Variants in VPS35L observed in about 807,000 individuals in gnomAD.
The protein encoded by VPS35L is VPS35 endosomal protein sorting factor like, also known as VPS35 endosomal protein-sorting factor-like.
Under a neutral mutation model 133.0 loss-of-function variants are expected in VPS35L, and 83 were observed. The ratio of observed to expected loss-of-function variants is 0.62; its 90% CI spans 0.52 to 0.75. The LOEUF is 0.75. Ranked by LOEUF, VPS35L falls within the 30% of genes least tolerant of loss-of-function variation. The probability of loss-of-function intolerance (pLI) is 0.00; values close to 1 mark genes in which losing one functional copy is unlikely to be tolerated. For synonymous variants in VPS35L, 423 were observed against 449.9 expected (o/e 0.94, Z 0.76); for missense variants, 1,083 against 1,206.8 (o/e 0.90, Z 1.52).
At chr16:19,564,181 G>A (rs368225434) in intron 1 of VPS35L, among the ~76,000 whole-genome samples, 1 of 151,858 alleles carries the variant, frequency 6.6e-6, no homozygotes, top group Non-Finnish European at 1.5e-5. Flanking sequence ...TGGTTGAAGC[G>A]ATTCTCCTGC....
chr16:19,660,475 AATTAACTT>A (rs1157284161), intron 26 of VPS35L, among the ~76,000 whole-genome samples: 1 of 152,192 alleles, frequency 6.6e-6, no homozygotes, highest in Admixed American at 6.5e-5. Flanking sequence ...GAGTGAAATG[AATTAACTT>A]TGAGGTTTTG....
intron 28 of VPS35L, among the ~76,000 whole-genome samples, chr16:19,689,964 G>C (rs1270537515): frequency 1.3e-5 from 2 of 152,126 alleles, no homozygotes; most frequent in African/African-American, 4.8e-5. Context: ...TCATACTAGA[G>C]TGCAGTCATG....
chr16:19,680,067 T>C (rs912084217), intron 27 of VPS35L, among the ~76,000 whole-genome samples: 1 of 152,184 alleles, frequency 6.6e-6, no homozygotes, highest in African/African-American at 2.4e-5. Flanking sequence ...TACCAGTAGT[T>C]AGAAATGTCC....
intron 8 of VPS35L, among the ~76,000 whole-genome samples, chr16:19,594,644 CAAAAAAA>C (rs57187565): frequency 0.016 from 515 of 31,444 alleles, 5 homozygotes; most frequent in African/African-American, 0.05. Context: ...GATTTCGTCT[CAAAAAAA>C]AAAAAAAAAA....
intron 27 of VPS35L, among the ~76,000 whole-genome samples, chr16:19,679,979 T>C (rs571510065): frequency 6.6e-6 from 1 of 152,368 alleles, no homozygotes; most frequent in East Asian, 1.9e-4. Context: ...GCTGACTGCA[T>C]GTATGCCTCC....
chr16:19,654,213 G>A (rs1484083185), intron 26 of VPS35L, among the ~76,000 whole-genome samples: 1 of 152,126 alleles, frequency 6.6e-6, no homozygotes, highest in African/African-American at 2.4e-5. Flanking sequence ...ACTCTAGCTA[G>A]AGTAGCCGCC....
intron 8 of VPS35L, among the ~76,000 whole-genome samples, chr16:19,599,643 C>A (rs1485318050): frequency 6.6e-6 from 1 of 151,920 alleles, no homozygotes; most frequent in Non-Finnish European, 1.5e-5. Context: ...TGGGACTACA[C>A]GCGTGCACCA....
intron 12 of VPS35L, 90 bp from the exon 13 acceptor site, chr16:19,616,024 A>C: frequency 1.4e-6 from 1 of 691,082 alleles, no homozygotes; most frequent in Non-Finnish European, 2.3e-6. Flanking sequence ...TGTGTCTATA[A>C]ACATAGGTAT....
intron 6 of VPS35L, among the ~76,000 whole-genome samples, chr16:19,580,567 AT>A (rs1828529524): frequency 6.6e-6 from 1 of 152,106 alleles, no homozygotes; most frequent in Non-Finnish European, 1.5e-5. Flanking sequence ...GTTAAGGAGC[AT>A]TTACTGTGCG....
rs774334067 is a variant in VPS35L, at chr16:19,591,862, C to T, written c.712C>T (p.Leu238Phe). 11 of 1,604,410 alleles carry T rather than the reference C, an allele frequency of 6.9e-6. No homozygotes were observed. The highest frequency in any genetic ancestry group is 9.4e-6 in the Non-Finnish European group (11 of 1,171,418). ...PSKFVLITDI[L>F]DTFGKLVYER... ...CAAATTTGTCCTTATCACCGACATA[C>T]TTGATACATTTGGTAAGTACCTGTC... The change falls in exon 8 of 31, where the codon CTT becomes TTT. Residue 238 changes from leucine to phenylalanine, a missense_variant. Leu to Phe is a conservative substitution (Grantham distance 22). Transcript: ENST00000417362.
chr16:19,623,288 G>T (rs938299996), intron 14 of VPS35L, among the ~76,000 whole-genome samples: 2 of 152,174 alleles, frequency 1.3e-5, no homozygotes, highest in African/African-American at 4.8e-5. Context: ...CAAGGGGCCA[G>T]CAAGGTTGGT....
intron 26 of VPS35L, among the ~76,000 whole-genome samples, chr16:19,660,238 G>A (rs1277660804): frequency 6.6e-6 from 1 of 151,722 alleles, no homozygotes; most frequent in Non-Finnish European, 1.5e-5. Flanking sequence ...CAAGGCACGA[G>A]AATTGTTTGA....
chr16:19,697,108 G>A (rs758615784), intron 29 of VPS35L, among the ~76,000 whole-genome samples: 6 of 152,212 alleles, frequency 3.9e-5, no homozygotes, highest in Non-Finnish European at 7.3e-5. Context: ...GTGCCAGCCC[G>A]CGTGCCCTGT....
chr16:19,597,681 G>A (rs952317076), intron 8 of VPS35L, among the ~76,000 whole-genome samples: 1 of 152,172 alleles, frequency 6.6e-6, no homozygotes. Context: ...GTGTTCCCAC[G>A]GTGCTGTTGT....
chr16:19,568,392 C>A (rs1041963045), intron 2 of VPS35L, among the ~76,000 whole-genome samples: 2 of 150,412 alleles, frequency 1.3e-5, no homozygotes, highest in African/African-American at 2.5e-5. Flanking sequence ...CTCTGCCTCC[C>A]AAAACCCCAT....
At chr16:19,671,711 C>G (rs997983386) in intron 27 of VPS35L, among the ~76,000 whole-genome samples, 1 of 150,564 alleles carries the variant, frequency 6.6e-6, no homozygotes, top group African/African-American at 2.4e-5. Flanking sequence ...TGGGAGGTAG[C>G]GGTTGTAGTG....
At chr16:19,629,169 C>T (rs1050924621) in intron 17 of VPS35L, among the ~76,000 whole-genome samples, 7 of 152,162 alleles carry the variant, frequency 4.6e-5, no homozygotes, top group African/African-American at 1.7e-4. Context: ...TGGTAGCTCA[C>T]ACCTATAATC....
intron 28 of VPS35L, among the ~76,000 whole-genome samples, chr16:19,683,531 A>G (rs1975359431): frequency 6.6e-6 from 1 of 152,114 alleles, no homozygotes; most frequent in African/African-American, 2.4e-5. Context: ...GGGCCCACTT[A>G]CAAGTGAGAA....
chr16:19,693,666 C>T (rs1377237022), intron 29 of VPS35L, among the ~76,000 whole-genome samples: 4 of 152,084 alleles, frequency 2.6e-5, no homozygotes, highest in Non-Finnish European at 5.9e-5. Context: ...TGCCTGTAGT[C>T]CCAGCTACTT....
Sources: gnomAD v4.1 joint callset for allele counts (sites outside exome capture counted in the v4.1 genomes callset) on GRCh38, gnomAD v4.1.1 for gene constraint, MANE v1.5 for transcripts, NCBI Gene and HGNC (gene_info 2026-07-23, HGNC 2026-07-21) for gene names.